USP34: variants seen among roughly 807,000 people sequenced by gnomAD.
USP34 encodes ubiquitin specific peptidase 34, also known as ubiquitin carboxyl-terminal hydrolase 34.
Under a neutral mutation model 460.3 loss-of-function variants are expected in USP34, and 70 were observed. That is an observed-to-expected ratio of 0.15 (90% CI 0.13 to 0.19). USP34 has a LOEUF of 0.19. USP34 is among the 10% of genes least tolerant of loss of function. The pLI, the probability that USP34 is intolerant of heterozygous loss-of-function variation, is 1.00. For missense variants in USP34, 3,985 were observed against 4,236.2 expected (o/e 0.94, Z 1.65); for synonymous variants, 1,647 against 1,405.3 (o/e 1.17, Z -3.85).
At chr2:61,359,255 GAGA>G (rs1167548774) in intron 10 of USP34, among the ~76,000 whole-genome samples, 1 of 152,184 alleles carries the variant, frequency 6.6e-6, no homozygotes, top group Admixed American at 6.5e-5. Context: ...TAGGCCAGTG[GAGA>G]AGAATGCAGA....
intron 75 of USP34, among the ~76,000 whole-genome samples, chr2:61,202,286 T>C (rs893483367): frequency 1.3e-5 from 2 of 152,178 alleles, no homozygotes; most frequent in Admixed American, 6.5e-5. Context: ...TTGCAGGGTA[T>C]GGCAATATTT....
intron 18 of USP34, among the ~76,000 whole-genome samples, chr2:61,335,678 G>C (rs1045323174): frequency 5.3e-5 from 8 of 152,222 alleles, no homozygotes; most frequent in African/African-American, 1.9e-4. Flanking sequence ...GAGCCTGGGA[G>C]GCGGAGGTTA....
intron 10 of USP34, among the ~76,000 whole-genome samples, chr2:61,356,843 T>C (rs1692123865): frequency 1.3e-5 from 2 of 152,120 alleles, no homozygotes; most frequent in African/African-American, 4.8e-5. Context: ...TTAAAAATGA[T>C]TAAAGGGGAT....
intron 1 of USP34, among the ~76,000 whole-genome samples, chr2:61,459,802 G>A (rs541549276): frequency 6.7e-6 from 1 of 148,922 alleles, no homozygotes; most frequent in South Asian, 2.1e-4. Context: ...ACTCACACCT[G>A]TAATCGTAGC....
At position 61,190,609 on chromosome 2, in the gene USP34, A is replaced by G; in HGVS notation, c.9638T>C (p.Phe3213Ser). 6.2e-7 allele frequency: 1 copy of G among 1,614,086 alleles called. No homozygotes were observed. The highest frequency in any genetic ancestry group is 8.5e-7 in the Non-Finnish European group (1 of 1,179,982). The change falls in exon 77 of 80, where the codon TTC (phenylalanine) becomes TCC (serine). Residue 3213 changes from phenylalanine to serine, a missense_variant. Phe to Ser is a radical substitution (Grantham distance 155, BLOSUM62 -2). This residue lies in a region of USP34 where 506 missense variants were observed against 439.0 expected (regional missense o/e 1.15). Transcript: ENST00000398571. ...CIKLLCEDPVFAEYIKCILMD... is the reference protein window; with the variant it reads ...CIKLLCEDPVSAEYIKCILMD... The stretch of plus-strand genomic sequence containing the variant: ...TAGGATACATTTAATATATTCTGCG[A>G]AAACAGGATCTTCACACAAAAGCTT...
chr2:61,220,235 T>C lies in USP34; in HGVS notation c.8047+75A>G, dbSNP rs920372497. On this transcript the variant is annotated intron_variant, in intron 67 of 79. Transcript: ENST00000398571. ...GTATACAACAATGGGCATGTCGTAGTTGCCTAAAAACAAAATGAAACATAA... is the reference window on the plus strand; with the variant it reads ...GTATACAACAATGGGCATGTCGTAGCTGCCTAAAAACAAAATGAAACATAA... 72 of 1,352,632 alleles carry C rather than the reference T, an allele frequency of 5.3e-5. 1 individual carries two copies. The Admixed American group carries it at 9.1e-4, about 17-fold the overall frequency. The allele number at this position is 1,352,632 out of a possible 1,614,324, so 83.8% of individuals were successfully genotyped here. A position where few individuals can be genotyped will look rare whatever the true frequency, so the allele number is the denominator to read the frequency against.
At chr2:61,313,423 T>C (rs896656887) in intron 25 of USP34, among the ~76,000 whole-genome samples, 3 of 152,138 alleles carry the variant, frequency 2.0e-5, no homozygotes, top group African/African-American at 7.2e-5. Flanking sequence ...CAACAGGACC[T>C]TGTTGGTTTG....
intron 57 of USP34, among the ~76,000 whole-genome samples, chr2:61,235,528 G>A (rs555488056): frequency 9.9e-5 from 15 of 152,004 alleles, no homozygotes; most frequent in Non-Finnish European, 1.5e-4. Context: ...GTTTCACCAC[G>A]TTGGCCAGGA....
chr2:61,339,634 T>C lies in USP34; in HGVS notation c.2548A>G (p.Ile850Val), dbSNP rs976194797. Residue 850 changes from isoleucine (I) to valine (V), a missense_variant, in exon 17 of 80, where the codon ATT becomes GTT. Physicochemically the swap from Ile to Val is conservative, Grantham distance 29 (BLOSUM62 3). Coordinates refer to ENST00000398571, the MANE Select transcript of USP34 (RefSeq NM_014709.4). ...TTCTTGCAAACATTATCCAAATTAA[T>C]GTCTGTAACAGCATTACTGTTGAAT... ...HQFNSNAVTD[I>V]NLDNVCKKGN... 6.3e-6 allele frequency: 10 copies of C among 1,578,334 alleles called. No individual in the cohort carries two copies. The highest frequency in any genetic ancestry group is 3.9e-5 in the Admixed American group (2 of 51,478).
chr2:61,239,993 A>G (rs1003837648), intron 53 of USP34, among the ~76,000 whole-genome samples: 5 of 139,484 alleles, frequency 3.6e-5, no homozygotes, highest in African/African-American at 1.4e-4. Flanking sequence ...CCTGGGCGAC[A>G]GAGCGAGACT....
intron 75 of USP34, chr2:61,200,330 G>C (rs555341376): frequency 1.3e-5 from 2 of 152,426 alleles, no homozygotes; most frequent in East Asian, 1.9e-4. Context: ...GCAGTTGGCA[G>C]CTTTGTTCAC....
intron 49 of USP34, among the ~76,000 whole-genome samples, chr2:61,246,779 G>A (rs539634113): frequency 1.2e-3 from 176 of 152,130 alleles, no homozygotes; most frequent in African/African-American, 4.1e-3. Flanking sequence ...ACAACCATGT[G>A]TTAATACATA....
chr2:61,370,004 A>C (rs995803348), intron 10 of USP34, among the ~76,000 whole-genome samples: 1 of 140,140 alleles, frequency 7.1e-6, no homozygotes, highest in South Asian at 2.3e-4. Flanking sequence ...AAAAAAAAAC[A>C]GTACATCAGA....
At chr2:61,289,676 G>A (rs897688351) in intron 33 of USP34, among the ~76,000 whole-genome samples, 8 of 152,022 alleles carry the variant, frequency 5.3e-5, no homozygotes, top group African/African-American at 1.9e-4. Context: ...AAGAAAGACA[G>A]CAAGATAATT....
intron 10 of USP34, among the ~76,000 whole-genome samples, chr2:61,365,573 A>C (rs879631220): frequency 1.3e-5 from 2 of 152,076 alleles, no homozygotes; most frequent in African/African-American, 4.8e-5. Flanking sequence ...AAAAAAACCT[A>C]CTCTGTGAAA....
intron 27 of USP34, among the ~76,000 whole-genome samples, chr2:61,303,856 A>T (rs1372883388): frequency 6.6e-6 from 1 of 150,506 alleles, no homozygotes; most frequent in Non-Finnish European, 1.5e-5. Flanking sequence ...CGGCCTCCCA[A>T]AGTGCTGGGA....
chr2:61,409,958 A>G (rs1357321685), intron 2 of USP34, among the ~76,000 whole-genome samples: 4 of 152,172 alleles, frequency 2.6e-5, no homozygotes, highest in East Asian at 1.9e-4. Flanking sequence ...CATAAATAAT[A>G]CTTTTTATTC....
At chr2:61,236,691 TAA>T (rs1357466942) in intron 53 of USP34, among the ~76,000 whole-genome samples, 1 of 152,202 alleles carries the variant, frequency 6.6e-6, no homozygotes, top group Non-Finnish European at 1.5e-5. Flanking sequence ...GAATGAAATA[TAA>T]GTCATGTTAC....
At chr2:61,457,310 G>C (rs1353673417) in intron 1 of USP34, among the ~76,000 whole-genome samples, 1 of 152,096 alleles carries the variant, frequency 6.6e-6, no homozygotes, top group Non-Finnish European at 1.5e-5. Flanking sequence ...TGTTACCATA[G>C]GAAGGGCCAA....
Sources: allele counts gnomAD v4.1 joint callset (sites outside exome capture counted in the v4.1 genomes callset), GRCh38; gene constraint gnomAD v4.1.1; regional missense constraint gnomAD v4.1.1; transcripts MANE v1.5; gene names NCBI Gene and HGNC (gene_info 2026-07-23, HGNC 2026-07-21).